The following PCDH11X variants were observed in gnomAD, a reference collection of about 807,000 sequenced individuals.
PCDH11X encodes the protein protocadherin-11 X-linked.
PCDH11X carries 18 observed loss-of-function variants against 53.3 expected under a neutral mutation model. The observed-to-expected ratio is 0.34, with a 90% confidence interval of 0.23 to 0.50. The LOEUF (loss-of-function observed/expected upper bound fraction) is 0.50. PCDH11X is among the 20% of genes least tolerant of loss of function. PCDH11X has a pLI of 0.98. For synonymous variants in PCDH11X, 279 were observed against 393.3 expected (o/e 0.71, Z 3.44); for missense variants, 570 against 1,032.4 (o/e 0.55, Z 6.14).
chrX:92,415,867 T>G (rs12014351), intron 9 of PCDH11X, among the ~76,000 whole-genome samples: 29,069 of 110,716 alleles, frequency 0.26, 4,186 homozygotes, highest in African/African-American at 0.55. Flanking sequence ...ATATTGGCAT[T>G]CTATAATTCT....
intron 9 of PCDH11X, among the ~76,000 whole-genome samples, chrX:92,433,176 G>T (rs1021795326): frequency 9.0e-6 from 1 of 111,098 alleles, no homozygotes; most frequent in African/African-American, 3.3e-5. Flanking sequence ...TGCTACTAGG[G>T]ACTATAAGTC....
chrX:92,435,463 GATC>G (rs1225827663), intron 9 of PCDH11X, among the ~76,000 whole-genome samples: 2 of 110,401 alleles, frequency 1.8e-5, no homozygotes, highest in Non-Finnish European at 3.8e-5. Flanking sequence ...GACACAAGAA[GATC>G]ATCCCCAAGA....
At chrX:91,829,381 C>T (rs1251596259) in intron 4 of PCDH11X, among the ~76,000 whole-genome samples, 3 of 103,966 alleles carry the variant, frequency 2.9e-5, no homozygotes, top group Non-Finnish European at 3.9e-5. Context: ...GGCTTTTCAA[C>T]AAATACCCAG....
At chrX:91,813,865 T>C (rs1372970767) in intron 4 of PCDH11X, among the ~76,000 whole-genome samples, 1 of 108,585 alleles carries the variant, frequency 9.2e-6, no homozygotes, top group Non-Finnish European at 1.9e-5. Flanking sequence ...GAAATCTCTC[T>C]TTAACAGTTC....
chrX:92,130,599 G>A (rs1202692969), intron 6 of PCDH11X, among the ~76,000 whole-genome samples: 1 of 104,791 alleles, frequency 9.5e-6, no homozygotes, highest in African/African-American at 3.5e-5. Flanking sequence ...GTGGTGAGCC[G>A]AGATTGTGCC....
At chrX:92,411,436 A>AC (rs1417539132) in intron 9 of PCDH11X, among the ~76,000 whole-genome samples, 2 of 106,317 alleles carry the variant, frequency 1.9e-5, no homozygotes, top group African/African-American at 6.9e-5. Context: ...TTTCCCACCA[A>AC]CCCCCCAACA....
chrX:91,812,083 T>C (rs768814004), intron 4 of PCDH11X, among the ~76,000 whole-genome samples: 72 of 111,080 alleles, frequency 6.5e-4, no homozygotes, highest in African/African-American at 2.3e-3. Flanking sequence ...TAGCGTGTAC[T>C]CCAGTGCACC....
intron 6 of PCDH11X, among the ~76,000 whole-genome samples, chrX:92,014,064 A>T (rs1569308183): frequency 2.7e-5 from 3 of 111,948 alleles, no homozygotes; most frequent in Non-Finnish European, 3.8e-5. Flanking sequence ...ACTTCTGCAC[A>T]GCAAAAGAAA....
intron 6 of PCDH11X, among the ~76,000 whole-genome samples, chrX:92,150,235 T>C (rs2065409746): frequency 8.9e-6 from 1 of 111,929 alleles, no homozygotes; most frequent in South Asian, 3.7e-4. Flanking sequence ...TGAGTGCCAG[T>C]TACTTCACAT....
chrX:92,337,581 GAC>G (rs2069650059), intron 8 of PCDH11X, among the ~76,000 whole-genome samples: 1 of 109,907 alleles, frequency 9.1e-6, no homozygotes, highest in African/African-American at 3.3e-5. Context: ...AAGAAAGAAA[GAC>G]ATAATAATTT....
intron 8 of PCDH11X, among the ~76,000 whole-genome samples, chrX:92,340,085 C>T (rs1221047461): frequency 9.0e-6 from 1 of 111,670 alleles, no homozygotes; most frequent in African/African-American, 3.3e-5. Context: ...GCTACAGACC[C>T]CATACCATCA....
At chrX:92,192,203 T>G (rs2066204299) in intron 6 of PCDH11X, among the ~76,000 whole-genome samples, 1 of 112,358 alleles carries the variant, frequency 8.9e-6, no homozygotes, top group Admixed American at 9.4e-5. Context: ...AATTGACTTT[T>G]TAAAAAGAAA....
chrX:91,828,840 A>C (rs1408175817), intron 4 of PCDH11X, among the ~76,000 whole-genome samples: 1 of 111,466 alleles, frequency 9.0e-6, no homozygotes, highest in Non-Finnish European at 1.9e-5. Flanking sequence ...TGGAACAATA[A>C]GTTGATGGAT....
At chrX:92,545,192 A>G (rs1401435313) in intron 10 of PCDH11X, among the ~76,000 whole-genome samples, 1 of 110,788 alleles carries the variant, frequency 9.0e-6, no homozygotes, top group Non-Finnish European at 1.9e-5. Flanking sequence ...TGTGATTGGC[A>G]TAAAAACTAG....
At chrX:91,826,373 T>G (rs1936926878) in intron 4 of PCDH11X, among the ~76,000 whole-genome samples, 1 of 111,183 alleles carries the variant, frequency 9.0e-6, no homozygotes. Context: ...TATAGTGAAG[T>G]AAAGAACACA....
At chrX:91,863,253 T>A (rs933146192) in intron 5 of PCDH11X, among the ~76,000 whole-genome samples, 10 of 108,739 alleles carry the variant, frequency 9.2e-5, no homozygotes, top group Non-Finnish European at 1.9e-4. Context: ...TTAGCTCTAA[T>A]AATATTTTCT....
At chrX:92,098,445 G>T (rs1376844340) in intron 6 of PCDH11X, among the ~76,000 whole-genome samples, 1 of 109,820 alleles carries the variant, frequency 9.1e-6, no homozygotes, top group East Asian at 2.9e-4. Flanking sequence ...ATAAACATAC[G>T]GTTGGTCATA....
intron 7 of PCDH11X, among the ~76,000 whole-genome samples, chrX:92,241,531 T>C (rs1209328442): frequency 8.9e-6 from 1 of 112,102 alleles, no homozygotes; most frequent in African/African-American, 3.2e-5. Flanking sequence ...ATTTTCCACT[T>C]TTAAAAATTG....
In PCDH11X at chrX:92,182,933, A is replaced by G. The variant is rs780685464; in HGVS notation, c.3034-18442A>G. ...GTCTCACAGGTATTTTTAGTTTAAC[A>G]ATCCCAAGACTCAACTCTTGATTCC... On this transcript the variant is annotated intron_variant, in intron 6 of 10. Coordinates refer to ENST00000682573, the MANE Select transcript of PCDH11X (RefSeq NM_032968.5). Among the ~76,000 whole-genome samples, 6 of 111,515 alleles carry G rather than the reference A, an allele frequency of 5.4e-5. No individual in the cohort carries two copies. In the South Asian group the frequency reaches 2.3e-3, roughly 42 times the overall value.
Sources: allele counts gnomAD v4.1 joint callset (sites outside exome capture counted in the v4.1 genomes callset), GRCh38; gene constraint gnomAD v4.1.1; transcripts MANE v1.5; gene names NCBI Gene and HGNC (gene_info 2026-07-23, HGNC 2026-07-21).